The following VKORC1L1 variants were observed in gnomAD, a reference collection of about 807,000 sequenced individuals.
VKORC1L1 encodes the protein vitamin K epoxide reductase complex subunit 1L1.
In VKORC1L1, 2 loss-of-function variants were observed where a neutral mutation model predicts 18.9. The observed-to-expected ratio is 0.11, with a 90% CI of 0.04 to 0.33. The LOEUF is 0.33. VKORC1L1 is among the 10% of genes least tolerant of loss of function. The pLI, the probability that VKORC1L1 is intolerant of heterozygous loss-of-function variation, is 1.00. For synonymous variants in VKORC1L1, 96 were observed against 100.0 expected (o/e 0.96, Z 0.24); for missense variants, 123 against 224.1 (o/e 0.55, Z 2.88).
At chr7:65,867,223 G>GAGA in the VKORC1L1 span, among the ~76,000 whole-genome samples, 1,042 of 151,602 alleles carry the variant, frequency 6.9e-3, 7 homozygotes, top group Non-Finnish European at 0.011. Flanking sequence ...GAAGGAGTAG[G>GAGA]AGAAGAAGAA....
At chr7:65,889,007 G>A (rs941984657) in intron 1 of VKORC1L1, among the ~76,000 whole-genome samples, 3 of 151,880 alleles carry the variant, frequency 2.0e-5, no homozygotes, top group African/African-American at 7.3e-5. Context: ...CCTGCAGGGA[G>A]TGACTTCTTA....
At chr7:65,894,258 AT>A (rs889681734) in intron 1 of VKORC1L1, among the ~76,000 whole-genome samples, 139 of 146,258 alleles carry the variant, frequency 9.5e-4, no homozygotes, top group African/African-American at 1.8e-3. Context: ...CCCAGCCAAA[AT>A]TTTTTTTTTT....
chr7:65,910,740 T>C (rs919574963), intron 1 of VKORC1L1, among the ~76,000 whole-genome samples: 4 of 152,182 alleles, frequency 2.6e-5, no homozygotes, highest in Non-Finnish European at 5.9e-5. Flanking sequence ...TGTGCTTTCA[T>C]TGGAAAGTGC....
At chr7:65,938,603 G>A (rs1258205175) in intron 1 of VKORC1L1, among the ~76,000 whole-genome samples, 1 of 152,190 alleles carries the variant, frequency 6.6e-6, no homozygotes, top group African/African-American at 2.4e-5. Context: ...GGTCACATTC[G>A]AAGCTCAGAA....
At chr7:65,885,989 A>AG (rs1458186177) in intron 1 of VKORC1L1, among the ~76,000 whole-genome samples, 20 of 152,228 alleles carry the variant, frequency 1.3e-4, no homozygotes, top group African/African-American at 4.8e-4. Flanking sequence ...CTTTCCATCA[A>AG]GGAGCATATC....
intron 1 of VKORC1L1, among the ~76,000 whole-genome samples, chr7:65,941,088 C>A (rs1790024811): frequency 6.6e-6 from 1 of 152,086 alleles, no homozygotes; most frequent in East Asian, 1.9e-4. Flanking sequence ...GGGGCACAGA[C>A]AGGGGCTAGC....
chr7:65,895,483 ATATATATATATATATAT>A (rs1789188896), intron 1 of VKORC1L1, among the ~76,000 whole-genome samples: 1 of 27,392 alleles, frequency 3.7e-5, no homozygotes, highest in South Asian at 2.0e-3. Context: ...AAAAAAAAAT[ATATATATATATATATAT>A]ATATATATAT....
chr7:65,915,334 A>G lies in VKORC1L1; in HGVS notation c.195-33337A>G, dbSNP rs559764309. Among the ~76,000 whole-genome samples, 16 of 150,440 alleles carry G rather than the reference A, an allele frequency of 1.1e-4. No individual in the cohort carries two copies. The East Asian group carries it at 3.1e-3, about 30-fold the overall frequency. ...TCTCGATCTCCTGACCTCGTGATCC[A>G]CCCACCTCAGCCTCCCAAAGTGCTG... On this transcript the variant is annotated intron_variant, in intron 1 of 2. Coordinates refer to ENST00000360768, the MANE Select transcript of VKORC1L1 (RefSeq NM_173517.6).
At chr7:65,923,512 A>G (rs1187466355) in intron 1 of VKORC1L1, among the ~76,000 whole-genome samples, 1 of 152,202 alleles carries the variant, frequency 6.6e-6, no homozygotes, top group Non-Finnish European at 1.5e-5. Flanking sequence ...TCCAAGTGTG[A>G]TTATGAGGTT....
chr7:65,874,562 C>G (rs1241535216), intron 1 of VKORC1L1, among the ~76,000 whole-genome samples: 1 of 152,078 alleles, frequency 6.6e-6, no homozygotes, highest in Non-Finnish European at 1.5e-5. Flanking sequence ...AATCCCAGCA[C>G]TTTGGGAGGC....
intron 1 of VKORC1L1, among the ~76,000 whole-genome samples, chr7:65,905,631 T>C (rs1296717217): frequency 6.6e-6 from 1 of 152,154 alleles, no homozygotes; most frequent in African/African-American, 2.4e-5. Flanking sequence ...TTAAATAATA[T>C]GAGTATTCTT....
At chr7:65,914,632 T>C (rs1366894467) in intron 1 of VKORC1L1, among the ~76,000 whole-genome samples, 2 of 152,204 alleles carry the variant, frequency 1.3e-5, no homozygotes, top group Non-Finnish European at 2.9e-5. Flanking sequence ...CCTTGCTGTT[T>C]TCAAGCTAAT....
chr7:65,916,237 G>C (rs1010618340), intron 1 of VKORC1L1, among the ~76,000 whole-genome samples: 2 of 151,552 alleles, frequency 1.3e-5, no homozygotes, highest in African/African-American at 4.9e-5. Flanking sequence ...TGCCAGTTTT[G>C]AAAATAATGA....
upstream of VKORC1L1, among the ~76,000 whole-genome samples, chr7:65,872,964 G>GC (rs1298865019): frequency 6.7e-5 from 7 of 103,876 alleles, no homozygotes; most frequent in South Asian, 9.1e-4. Flanking sequence ...CTCTGGCTCC[G>GC]CCCCTCCCCA....
chr7:65,881,302 T>C (rs1365229354), intron 1 of VKORC1L1, among the ~76,000 whole-genome samples: 1 of 152,246 alleles, frequency 6.6e-6, no homozygotes, highest in Non-Finnish European at 1.5e-5. Context: ...CAAATGAATC[T>C]CATGCTAAAT....
chr7:65,891,049 G>C (rs1201800714), intron 1 of VKORC1L1, among the ~76,000 whole-genome samples: 6 of 151,682 alleles, frequency 4.0e-5, no homozygotes, highest in Admixed American at 2.0e-4. Context: ...CATATAAATG[G>C]GCTCAGACAG....
At chr7:65,901,160 G>A (rs987850136) in intron 1 of VKORC1L1, among the ~76,000 whole-genome samples, 1 of 152,138 alleles carries the variant, frequency 6.6e-6, no homozygotes, top group African/African-American at 2.4e-5. Flanking sequence ...AATTTTGTTC[G>A]GTGTTATAAA....
chr7:65,894,174 C>T (rs956174776), intron 1 of VKORC1L1, among the ~76,000 whole-genome samples: 2 of 151,686 alleles, frequency 1.3e-5, no homozygotes, highest in African/African-American at 4.8e-5. Flanking sequence ...AGGCTGGTCT[C>T]GAACTCCTGA....
rs769173864 is a variant in VKORC1L1 at position 65,954,363 on chromosome 7, G to GTT, written c.*67_*68dup. Reference sequence around the variant, plus strand: ...TTCCATTCAGTTTATTTTGCAGCAGGTTTTTATTATTATTATTATTATTAT... The same window carrying GTT: ...TTCCATTCAGTTTATTTTGCAGCAGGTTTTTTTATTATTATTATTATTATTAT... On this transcript the variant is annotated 3_prime_UTR_variant, in exon 3 of 3. Coordinates refer to ENST00000360768, the MANE Select transcript of VKORC1L1 (RefSeq NM_173517.6). The GTT allele has an allele frequency of 2.6e-6, 4 of 1,525,794 alleles. 1 individual carries two copies. The African/African-American group carries it at 5.7e-5, about 22-fold the overall frequency. The allele number at this position is 1,525,794 out of a possible 1,614,324, so 94.5% of individuals were successfully genotyped here.
Sources: gnomAD v4.1 joint callset for allele counts (sites outside exome capture counted in the v4.1 genomes callset) on GRCh38, gnomAD v4.1.1 for gene constraint, MANE v1.5 for transcripts, NCBI Gene and HGNC (gene_info 2026-07-23, HGNC 2026-07-21) for gene names.